RORA: variants seen among roughly 807,000 people sequenced by gnomAD.
RORA encodes nuclear receptor ROR-alpha.
In RORA, 7 loss-of-function variants were observed where a neutral mutation model predicts 69.5. That is an observed-to-expected ratio of 0.10 (90% CI 0.06 to 0.19). RORA has a LOEUF of 0.19. RORA is among the 10% of genes least tolerant of loss of function. RORA has a pLI of 1.00. For missense variants in RORA, 457 were observed against 663.0 expected, an observed-to-expected ratio of 0.69 and a Z score of 3.41; for synonymous variants, 261 against 240.8, an observed-to-expected ratio of 1.08 and a Z score of -0.78.
chr15:60,708,022 T>G lies in RORA; in HGVS notation c.167-29336A>C, dbSNP rs143545715. The stretch of plus-strand genomic sequence containing the variant: ...TTTGCAGGCCTTTTTTGTGGATGTA[T>G]GCTCAGCCTCTCCTTCCAAACTAAC... On this transcript the variant is annotated intron_variant, in intron 1 of 10. Transcript: ENST00000335670. Among the ~76,000 whole-genome samples, 432 of 152,326 alleles carry G rather than the reference T, an allele frequency of 2.8e-3. 3 individuals are homozygous for G. Among genetic ancestry groups the G allele is most frequent in the African/African-American group, 9.9e-3 (413 of 41,560 alleles).
rs1236994852 is a variant in RORA, at chr15:60,815,130, TC to T, written c.167-136445del. On this transcript the variant is annotated intron_variant, in intron 1 of 10. Transcript: ENST00000335670. ...CTATAAAAACGAGTCTAATGATGCTTCACCCAACTTGTGGAGGAGTGGCCAG... is the reference window on the plus strand; with the variant it reads ...CTATAAAAACGAGTCTAATGATGCTTACCCAACTTGTGGAGGAGTGGCCAG... Among the ~76,000 whole-genome samples, 9 of 152,290 alleles carry T rather than the reference TC, an allele frequency of 5.9e-5. No individual in the cohort carries two copies. The South Asian group carries it at 1.5e-3, about 25-fold the overall frequency.
chr15:60,594,833 T>C (rs1371246461), intron 2 of RORA, among the ~76,000 whole-genome samples: 1 of 152,250 alleles, frequency 6.6e-6, no homozygotes, highest in Non-Finnish European at 1.5e-5. Flanking sequence ...AATACTGACC[T>C]TGCCCTTTGG....
chr15:60,868,115 C>T (rs947754215), intron 1 of RORA, among the ~76,000 whole-genome samples: 1 of 151,984 alleles, frequency 6.6e-6, no homozygotes, highest in East Asian at 1.9e-4. Context: ...ATCTAAAATG[C>T]CTAGCATGGT....
chr15:60,656,222 G>C (rs756710344), intron 2 of RORA, among the ~76,000 whole-genome samples: 4 of 152,164 alleles, frequency 2.6e-5, no homozygotes, highest in African/African-American at 9.7e-5. Flanking sequence ...ACCAGGCCTA[G>C]CTGGAATTTC....
At chr15:60,692,234 A>G (rs1214996141) in intron 1 of RORA, among the ~76,000 whole-genome samples, 6 of 152,160 alleles carry the variant, frequency 3.9e-5, no homozygotes, top group Non-Finnish European at 8.8e-5. Context: ...AATACACTTT[A>G]TTTTTAAAGA....
Position 61,128,642 on chromosome 15 carries a change from G to A in RORA, c.166+100411C>T, listed in dbSNP as rs1596012587. Among the ~76,000 whole-genome samples, 1 of 152,230 alleles carries A rather than the reference G, an allele frequency of 6.6e-6. No homozygotes were observed. Among genetic ancestry groups the A allele is most frequent in the Non-Finnish European group, 1.5e-5 (1 of 68,038 alleles). On this transcript the variant is annotated intron_variant, in intron 1 of 10. Transcript: ENST00000335670. The surrounding 1 kb of genome is among the most constrained non-coding windows in gnomAD (Gnocchi z 4.5). ...TCCAGCTTTACGGAAGGGTTGAAATGTTCTTTCTCTGGTTCCAACTGCCAG... is the reference window on the plus strand; with the variant it reads ...TCCAGCTTTACGGAAGGGTTGAAATATTCTTTCTCTGGTTCCAACTGCCAG...
At chr15:60,856,919 A>G (rs1400263222) in intron 1 of RORA, among the ~76,000 whole-genome samples, 1 of 152,250 alleles carries the variant, frequency 6.6e-6, no homozygotes, top group East Asian at 1.9e-4. Context: ...GAGTCTATCA[A>G]AAGAGGAAGG....
At chr15:60,515,985 ATATATT>A in intron 3 of RORA, among the ~76,000 whole-genome samples, 1 of 4,188 alleles carries the variant, frequency 2.4e-4, no homozygotes, top group African/African-American at 4.8e-4. Flanking sequence ...ATATATTTAT[ATATATT>A]TATATATATT....
Position 61,164,266 on chromosome 15 carries a change from T to C in RORA, c.166+64787A>G, listed in dbSNP as rs78183041. ...ATTTTCCACATTTGCTGTCTCTCTG[T>C]AGTGTCCAAACCCATAAATTACCAG... On this transcript the variant is annotated intron_variant, in intron 1 of 10. Transcript: ENST00000335670. Among the ~76,000 whole-genome samples, 820 of 152,334 alleles carry C rather than the reference T, an allele frequency of 5.4e-3. 3 individuals are homozygous for C. The highest frequency in any genetic ancestry group is 8.7e-3 in the Non-Finnish European group (592 of 68,018).
In RORA at chr15:60,579,618, T is replaced by C. The variant is rs551017202; in HGVS notation, c.197-47767A>G. Among the ~76,000 whole-genome samples, 229 of 152,312 alleles carry C rather than the reference T, an allele frequency of 1.5e-3. 2 individuals are homozygous for C. The highest frequency in any genetic ancestry group is 3.4e-3 in the Middle Eastern group (1 of 294). ...AAAACTATTGAACTACCATGAGTTA[T>C]AGGAAATATGACATGCTCAGTGCCC... On this transcript the variant is annotated intron_variant, in intron 2 of 10. Transcript: ENST00000335670.
chr15:60,630,444 T>A (rs2069709914), intron 2 of RORA: 1 of 152,176 alleles, frequency 6.6e-6, no homozygotes, highest in Admixed American at 6.5e-5. Context: ...CCAACCTAAG[T>A]AACAGCTTTG....
chr15:61,176,936 G>A (rs907458315), intron 1 of RORA, among the ~76,000 whole-genome samples: 1 of 152,164 alleles, frequency 6.6e-6, no homozygotes, highest in Non-Finnish European at 1.5e-5. Context: ...CTGGCCTCTG[G>A]AACATTCACT....
chr15:60,631,536 C>T lies in RORA; in HGVS notation c.196+47121G>A, dbSNP rs138792168. Among the ~76,000 whole-genome samples, 621 of 152,106 alleles carry T rather than the reference C, an allele frequency of 4.1e-3. 4 individuals are homozygous for T. The highest frequency in any genetic ancestry group is 0.015 in the East Asian group (76 of 5,188). On this transcript the variant is annotated intron_variant, in intron 2 of 10. Coordinates refer to ENST00000335670, the MANE Select transcript of RORA (RefSeq NM_134261.3). ...AAAGTAATTTCCCTGCAAATATTAC[C>T]GGAGAGGTTGCTGACACTACTTGAC...
At chr15:61,132,962 T>C (rs1447329145) in intron 1 of RORA, among the ~76,000 whole-genome samples, 5 of 152,212 alleles carry the variant, frequency 3.3e-5, no homozygotes, top group African/African-American at 1.2e-4. Context: ...TTGTGAAATC[T>C]GGCGGTTAAT....
chr15:60,596,321 C>G (rs1382617243), intron 2 of RORA, among the ~76,000 whole-genome samples: 1 of 151,958 alleles, frequency 6.6e-6, no homozygotes, highest in Non-Finnish European at 1.5e-5. Context: ...CTCCAGTGTG[C>G]GTCTGCTTGC....
chr15:60,763,671 G>C (rs1318115875), intron 1 of RORA, among the ~76,000 whole-genome samples: 2 of 152,158 alleles, frequency 1.3e-5, no homozygotes, highest in Non-Finnish European at 2.9e-5. Flanking sequence ...TGCCAGGGGG[G>C]TAGCTCCCCA....
At chr15:60,505,419 G>C (rs1340671540) in intron 6 of RORA, 89 bp downstream of exon 6, 3 of 1,248,074 alleles carry the variant, frequency 2.4e-6, no homozygotes, top group Non-Finnish European at 3.5e-6. Context: ...TCATTCTTTA[G>C]TCTGTGTGAA....
At chr15:60,791,509 A>C (rs1442362779) in intron 1 of RORA, among the ~76,000 whole-genome samples, 1 of 152,178 alleles carries the variant, frequency 6.6e-6, no homozygotes. Context: ...GTCTGGGAGC[A>C]CTCCCAAGTT....
chr15:60,505,601 C>T lies in RORA; in HGVS notation c.849G>A (p.Ser283=), dbSNP rs199818399. The part of the protein sequence containing the change: ...LEHLAQNISK[S]HLETCQYLRE... ...TCAAGTATTGGCAGGTTTCCAGATG[C>T]GATTTAGATATATTCTGTGCAAGGT... Residue 283 remains serine (S), a synonymous_variant, in exon 6 of 11, where the codon TCG becomes TCA. Transcript: ENST00000335670. 6.8e-5 allele frequency: 110 copies of T among 1,613,888 alleles called. No individual in the cohort carries two copies. The South Asian group carries it at 8.5e-4, about 12-fold the overall frequency.
Sources: allele counts gnomAD v4.1 joint callset (sites outside exome capture counted in the v4.1 genomes callset), GRCh38; gene constraint gnomAD v4.1.1; non-coding constraint Gnocchi (gnomAD v3.1); transcripts MANE v1.5; gene names NCBI Gene and HGNC (gene_info 2026-07-23, HGNC 2026-07-21).